The following DYNLRB1 variants were observed in gnomAD, a reference collection of about 807,000 sequenced individuals.
DYNLRB1 encodes dynein light chain roadblock-type 1.
Under a neutral mutation model 13.5 loss-of-function variants are expected in DYNLRB1, and 6 were observed. The observed-to-expected ratio is 0.44, with a 90% confidence interval of 0.24 to 0.88. The LOEUF (loss-of-function observed/expected upper bound fraction) is 0.88. Ranked by LOEUF, DYNLRB1 falls within the 40% of genes least tolerant of loss-of-function variation. DYNLRB1 has a pLI of 0.21. For synonymous variants in DYNLRB1, 43 were observed against 45.0 expected (o/e 0.96, Z 0.18); for missense variants, 93 against 127.2 (o/e 0.73, Z 1.29).
chr20:34,540,459 C>CT, intron 3 of DYNLRB1, 122 bp from the exon 4 acceptor site: 1 of 902,188 alleles, frequency 1.1e-6, no homozygotes, highest in Non-Finnish European at 1.7e-6. Flanking sequence ...AACGTTGATG[C>CT]TTTTTGTTGC....
At chr20:34,539,578 C>T (rs903835546) in intron 3 of DYNLRB1, among the ~76,000 whole-genome samples, 2 of 151,814 alleles carry the variant, frequency 1.3e-5, no homozygotes, top group Admixed American at 6.6e-5. Flanking sequence ...TGCAGTGAGG[C>T]GATCTGCAAC....
chr20:34,531,278 C>T (rs1241322281), intron 2 of DYNLRB1: 1 of 152,056 alleles, frequency 6.6e-6, no homozygotes, highest in Non-Finnish European at 1.5e-5. Context: ...GGGGTGTATC[C>T]CAGTAGATCA....
chr20:34,518,624 A>T (rs373844931), intron 1 of DYNLRB1, among the ~76,000 whole-genome samples: 24 of 141,152 alleles, frequency 1.7e-4, no homozygotes, highest in South Asian at 1.6e-3. Context: ...ATTTTTTTGT[A>T]TTTTTTTTTT....
chr20:34,527,198 T>C (rs1980296901), intron 2 of DYNLRB1, among the ~76,000 whole-genome samples: 1 of 152,146 alleles, frequency 6.6e-6, no homozygotes. Flanking sequence ...GCTTGGGTGC[T>C]TTCTCCCGCG....
At chr20:34,537,122 T>A (rs1981209066) in intron 3 of DYNLRB1, among the ~76,000 whole-genome samples, 1 of 152,074 alleles carries the variant, frequency 6.6e-6, no homozygotes. Flanking sequence ...GGCCTGGAGA[T>A]CCCACAACCT....
chr20:34,538,780 T>C (rs1189984324), intron 3 of DYNLRB1, among the ~76,000 whole-genome samples: 2 of 152,238 alleles, frequency 1.3e-5, no homozygotes. Context: ...TAGGCTTGGC[T>C]CTGAACAGCC....
intron 3 of DYNLRB1, among the ~76,000 whole-genome samples, chr20:34,539,664 G>C (rs1454392287): frequency 1.3e-5 from 2 of 152,048 alleles, no homozygotes; most frequent in South Asian, 4.1e-4. Flanking sequence ...CTGCCACCAA[G>C]CCTGGCTAAT....
At position 34,516,477 on chromosome 20, in the gene DYNLRB1, G is replaced by C. The variant is rs202095087; in HGVS notation, c.3+16G>C. The C allele has an allele frequency of 1.2e-5, 19 of 1,612,546 alleles. No homozygotes were observed. The highest frequency in any genetic ancestry group is 8.9e-5 in the East Asian group (4 of 44,810). On this transcript the variant is annotated intron_variant, in intron 1 of 3. Coordinates refer to ENST00000357156, the MANE Select transcript of DYNLRB1 (RefSeq NM_014183.4). ...GTCGGAAATGGTGAGCGTGCGCCGG[G>C]GTCTTGTGGCTGGCGGCCGCCCACC...
At chr20:34,520,542 G>A (rs1372395600) in intron 1 of DYNLRB1, among the ~76,000 whole-genome samples, 1 of 152,152 alleles carries the variant, frequency 6.6e-6, no homozygotes, top group African/African-American at 2.4e-5. Context: ...TGCCTCCCAG[G>A]TTCAAGTGAT....
intron 1 of DYNLRB1, chr20:34,516,664 AT>A (rs1252295828): frequency 1.2e-5 from 17 of 1,463,150 alleles, no homozygotes; most frequent in Non-Finnish European, 1.5e-5. Context: ...GGGCCGCCGG[AT>A]CCCGCTGCCC....
At chr20:34,538,446 CA>C (rs903657230) in intron 3 of DYNLRB1, among the ~76,000 whole-genome samples, 4 of 151,548 alleles carry the variant, frequency 2.6e-5, no homozygotes, top group African/African-American at 4.8e-5. Context: ...AAAAACAAAA[CA>C]AAAAAAACAG....
chr20:34,527,337 G>A (rs1236601721), intron 2 of DYNLRB1, among the ~76,000 whole-genome samples: 1 of 152,162 alleles, frequency 6.6e-6, no homozygotes, highest in Non-Finnish European at 1.5e-5. Flanking sequence ...TTGTGACCTT[G>A]GCCAAGTCGC....
intron 1 of DYNLRB1, among the ~76,000 whole-genome samples, chr20:34,523,545 T>C (rs1979932496): frequency 6.6e-6 from 1 of 152,164 alleles, no homozygotes. Context: ...CTTTTGTGCT[T>C]GCTCTTGGTG....
At chr20:34,532,501 C>T (rs1568602480) in intron 2 of DYNLRB1, among the ~76,000 whole-genome samples, 1 of 152,172 alleles carries the variant, frequency 6.6e-6, no homozygotes, top group Non-Finnish European at 1.5e-5. Flanking sequence ...GTCTTGTTTT[C>T]TTAGGCCCCC....
intron 1 of DYNLRB1, among the ~76,000 whole-genome samples, chr20:34,523,999 T>C (rs1979966404): frequency 6.6e-6 from 1 of 152,212 alleles, no homozygotes; most frequent in Non-Finnish European, 1.5e-5. Context: ...CAGATTGAGC[T>C]GTCTTAAATT....
At chr20:34,525,185 C>T (rs549750862) in intron 1 of DYNLRB1, among the ~76,000 whole-genome samples, 2 of 151,986 alleles carry the variant, frequency 1.3e-5, no homozygotes, top group African/African-American at 2.4e-5. Context: ...GAGGATCCCC[C>T]CCCCCATTTC....
At chr20:34,533,538 T>TAA (rs1306012023) in intron 2 of DYNLRB1, 1 of 985,306 alleles carries the variant, frequency 1.0e-6, no homozygotes. Context: ...TAGAAGTTTG[T>TAA]GGCCGGGCGC....
At chr20:34,535,848 G>T in intron 3 of DYNLRB1, 2 of 985,300 alleles carry the variant, frequency 2.0e-6, no homozygotes, top group Non-Finnish European at 2.4e-6. Flanking sequence ...ATAGGATTAT[G>T]ATTAGGACCT....
intron 3 of DYNLRB1, chr20:34,535,954 T>G (rs975874439): frequency 1.0e-6 from 1 of 985,056 alleles, no homozygotes; most frequent in Non-Finnish European, 1.2e-6. Context: ...CTGAGGTAAT[T>G]TGATGGGAGG....
Sources: gnomAD v4.1 joint callset for allele counts (sites outside exome capture counted in the v4.1 genomes callset) on GRCh38, gnomAD v4.1.1 for gene constraint, MANE v1.5 for transcripts, NCBI Gene and HGNC (gene_info 2026-07-23, HGNC 2026-07-21) for gene names.